FRYL: variants seen among roughly 807,000 people sequenced by gnomAD.
FRYL encodes the protein protein furry homolog-like.
In FRYL, 150 loss-of-function variants were observed where a neutral mutation model predicts 351.2. That is an observed-to-expected ratio of 0.43 (90% CI 0.37 to 0.49). FRYL has a LOEUF of 0.49. FRYL is among the 20% of genes least tolerant of loss of function. The probability of loss-of-function intolerance (pLI) is 0.00; values close to 1 mark genes in which losing one functional copy is unlikely to be tolerated. For synonymous variants in FRYL, 1,153 were observed against 1,257.1 expected (o/e 0.92, Z 1.75); for missense variants, 3,036 against 3,619.3 (o/e 0.84, Z 4.13).
chr4:48,663,774 CAAAAAAAAAAAAAAAAA>C (rs71191251), intron 3 of FRYL, among the ~76,000 whole-genome samples: 1 of 70,112 alleles, frequency 1.4e-5, no homozygotes, highest in African/African-American at 5.0e-5. Flanking sequence ...GACTCCGTCT[CAAAAAAAAAAAAAAAAA>C]AAAAAAGAGA....
At chr4:48,528,409 G>C (rs780556879) in intron 50 of FRYL, 73 bp from the exon 51 acceptor site, 19 of 1,126,612 alleles carry the variant, frequency 1.7e-5, no homozygotes, top group African/African-American at 3.2e-5. Context: ...GGTTAACAGT[G>C]CACCTATAAT....
rs1719690318 is a variant in FRYL at position 48,501,657 on chromosome 4, A to G, written c.8558T>C (p.Ile2853Thr). The G allele has an allele frequency of 2.5e-6, 4 of 1,607,746 alleles. No individual in the cohort carries two copies. In the South Asian group the frequency reaches 4.4e-5, roughly 18 times the overall value. The change falls in exon 62 of 64, where the codon ATC becomes ACC. Residue 2853 changes from isoleucine (I) to threonine (T), a missense_variant. Transcript: ENST00000358350. Reference protein sequence around the residue: ...LLLFQAYCKLINQVNTIKNEA... With the variant: ...LLLFQAYCKLTNQVNTIKNEA... The stretch of plus-strand genomic sequence containing the variant: ...ATTTTTTATCGTATTTACTTGGTTG[A>G]TAAGTTTACAGTAGGCCTGGAACAG...
chr4:48,661,948 TAACA>T (rs1424668447), intron 3 of FRYL, among the ~76,000 whole-genome samples: 1 of 151,950 alleles, frequency 6.6e-6, no homozygotes, highest in Admixed American at 6.6e-5. Context: ...TATGTAGAAC[TAACA>T]GAGGATAAGA....
At chr4:48,639,620 G>C (rs1283092174) in intron 3 of FRYL, among the ~76,000 whole-genome samples, 1 of 151,960 alleles carries the variant, frequency 6.6e-6, no homozygotes, top group African/African-American at 2.4e-5. Context: ...CTTGGGTTTG[G>C]AGGGTGACTT....
intron 3 of FRYL, among the ~76,000 whole-genome samples, chr4:48,674,928 G>T (rs750310970): frequency 1.3e-5 from 2 of 152,120 alleles, no homozygotes; most frequent in Non-Finnish European, 2.9e-5. Flanking sequence ...TTATTCCCCA[G>T]CCTTTTGATA....
chr4:48,522,920 A>G lies in FRYL; in HGVS notation c.7502T>C (p.Ile2501Thr). The G allele has an allele frequency of 6.2e-7, 1 of 1,613,706 alleles. No homozygotes were observed. Among genetic ancestry groups the G allele is most frequent in the East Asian group, 2.2e-5 (1 of 44,874 alleles). Reference protein sequence around the residue: ...EEEAALTASQILSRTQMLNSD... With the variant: ...EEEAALTASQTLSRTQMLNSD... Reference sequence around the variant, plus strand: ...GTATACCATCTGTGTGCGTGAGAGTATCTGGCTTGCTGTAAGTGCCGCTTC... The same window carrying G: ...GTATACCATCTGTGTGCGTGAGAGTGTCTGGCTTGCTGTAAGTGCCGCTTC... The change falls in exon 54 of 64, where the codon ATA becomes ACA. Residue 2501 changes from isoleucine to threonine, a missense_variant. Around this residue, in one of 7 missense-constraint regions of FRYL, gnomAD observed 1,987 missense variants for 2,311.7 expected, o/e 0.86. Transcript: ENST00000358350.
chr4:48,753,224 G>A (rs1301893819), intron 1 of FRYL, among the ~76,000 whole-genome samples: 2 of 152,138 alleles, frequency 1.3e-5, no homozygotes, highest in Non-Finnish European at 2.9e-5. Context: ...TCTACAATGA[G>A]TATTTACATA....
intron 3 of FRYL, among the ~76,000 whole-genome samples, chr4:48,655,682 T>A (rs992313883): frequency 6.8e-6 from 1 of 147,148 alleles, no homozygotes; most frequent in Non-Finnish European, 1.5e-5. Flanking sequence ...ATGTATTATA[T>A]AATGTATATA....
intron 13 of FRYL, among the ~76,000 whole-genome samples, chr4:48,600,068 C>T (rs1019389321): frequency 1.5e-4 from 23 of 151,778 alleles, no homozygotes; most frequent in Admixed American, 1.2e-3. Flanking sequence ...GATCATTCCA[C>T]TGCACTCCAG....
At chr4:48,655,464 C>G (rs1301473587) in intron 3 of FRYL, among the ~76,000 whole-genome samples, 1 of 151,654 alleles carries the variant, frequency 6.6e-6, no homozygotes, top group Non-Finnish European at 1.5e-5. Flanking sequence ...ATAATACATC[C>G]CATTCTTATA....
chr4:48,624,344 C>T (rs371790609), intron 4 of FRYL, among the ~76,000 whole-genome samples: 20 of 152,184 alleles, frequency 1.3e-4, no homozygotes, highest in South Asian at 1.0e-3. Context: ...TGGTGGGACT[C>T]ACTGTGGAAA....
chr4:48,774,150 G>T (rs925272239), intron 1 of FRYL, among the ~76,000 whole-genome samples: 6 of 152,030 alleles, frequency 3.9e-5, no homozygotes, highest in Admixed American at 6.6e-5. Flanking sequence ...GGATGGGGTG[G>T]GGATGGGATG....
intron 1 of FRYL, among the ~76,000 whole-genome samples, chr4:48,767,845 G>A (rs1560376282): frequency 6.6e-6 from 1 of 152,144 alleles, no homozygotes; most frequent in African/African-American, 2.4e-5. Context: ...GCAGCTACGG[G>A]TCCATTCTCC....
chr4:48,619,892 T>G (rs536403057), intron 6 of FRYL, among the ~76,000 whole-genome samples: 4 of 152,346 alleles, frequency 2.6e-5, no homozygotes, highest in Admixed American at 2.0e-4. Flanking sequence ...CACTATTATA[T>G]CTGTTAGCAT....
Position 48,610,228 on chromosome 4 carries a change from C to A in FRYL, c.412-405G>T, listed in dbSNP as rs181025993. Among the ~76,000 whole-genome samples the A allele has an allele frequency of 1.7e-3, 256 of 152,228 alleles. 1 individual carries two copies. The highest frequency in any genetic ancestry group is 3.3e-3 in the Non-Finnish European group (222 of 67,976). The stretch of plus-strand genomic sequence containing the variant: ...TTTTGAACTATCATGAAAATGGTCA[C>A]AAGGGACACTATCTTTTCTAACAAT... On this transcript the variant is annotated intron_variant, in intron 7 of 63. Coordinates refer to ENST00000358350, the MANE Select transcript of FRYL (RefSeq NM_015030.2).
intron 47 of FRYL, among the ~76,000 whole-genome samples, 162 bp from the exon 48 acceptor site, chr4:48,535,989 A>G (rs557891863): frequency 1.3e-5 from 2 of 152,366 alleles, no homozygotes; most frequent in South Asian, 2.1e-4. Context: ...AAAAAAGCAC[A>G]AGGCATTCTT....
chr4:48,636,452 C>T (rs1313728542), intron 3 of FRYL, among the ~76,000 whole-genome samples: 1 of 151,966 alleles, frequency 6.6e-6, no homozygotes, highest in Non-Finnish European at 1.5e-5. Context: ...CTAGGTACTT[C>T]AATTCTAAAT....
chr4:48,566,655 G>GT (rs1407971618), intron 28 of FRYL, among the ~76,000 whole-genome samples: 1 of 152,098 alleles, frequency 6.6e-6, no homozygotes, highest in African/African-American at 2.4e-5. Flanking sequence ...AAATAACAAT[G>GT]TGACTTTAAT....
intron 3 of FRYL, among the ~76,000 whole-genome samples, chr4:48,672,799 C>T (rs1175685223): frequency 2.6e-5 from 4 of 152,206 alleles, no homozygotes; most frequent in East Asian, 3.8e-4. Context: ...CTCAAGAATA[C>T]TCTGGTCTTC....
Sources: gnomAD v4.1 joint callset for allele counts (sites outside exome capture counted in the v4.1 genomes callset) on GRCh38, gnomAD v4.1.1 for gene constraint, gnomAD v4.1.1 regional missense constraint, MANE v1.5 for transcripts, NCBI Gene and HGNC (gene_info 2026-07-23, HGNC 2026-07-21) for gene names.